TNS1: variants seen among roughly 807,000 people sequenced by gnomAD.
The protein encoded by TNS1 is tensin-1.
TNS1 carries 62 observed loss-of-function variants against 168.6 expected under a neutral mutation model. The ratio of observed to expected loss-of-function variants is 0.37; its 90% CI spans 0.30 to 0.45. The LOEUF is 0.45. Among genes scored for constraint, TNS1 ranks in the 20% least tolerant of loss-of-function variants. The probability of loss-of-function intolerance (pLI) is 1.00; values close to 1 mark genes in which losing one functional copy is unlikely to be tolerated. For synonymous variants in TNS1, 934 were observed against 933.2 expected (o/e 1.00, Z -0.02); for missense variants, 2,240 against 2,339.4 (o/e 0.96, Z 0.88).
At chr2:217,845,107 T>A (rs1271714884) in intron 19 of TNS1, among the ~76,000 whole-genome samples, 4 of 152,208 alleles carry the variant, frequency 2.6e-5, no homozygotes, top group Non-Finnish European at 4.4e-5. Flanking sequence ...TAAGCTGGAA[T>A]AAGGCACAAG....
At chr2:217,902,619 A>C (rs530925847) in intron 6 of TNS1, among the ~76,000 whole-genome samples, 2 of 152,180 alleles carry the variant, frequency 1.3e-5, no homozygotes, top group East Asian at 3.9e-4. Flanking sequence ...TCCCCACCCC[A>C]AAAAAAGCCA....
chr2:217,953,884 A>G (rs1293108390), intron 3 of TNS1, among the ~76,000 whole-genome samples: 1 of 152,224 alleles, frequency 6.6e-6, no homozygotes, highest in Non-Finnish European at 1.5e-5. Context: ...GCTGAGTGAG[A>G]CACCAGGTGG....
Position 217,813,708 on chromosome 2 carries a change from G to A in TNS1, c.4838C>T (p.Thr1613Ile), listed in dbSNP as rs1329480251. The part of the protein sequence containing the change: ...LAMKVSSPPP[T>I]IMQQNKKGDM... ...ACCTTTTTTATTCTGCTGCATGATG[G>A]TTGGAGGTGGCGAAGACACCTTCAT... Residue 1613 changes from threonine to isoleucine, a missense_variant, in exon 26 of 33, where the codon ACC (threonine) becomes ATC (isoleucine). Thr to Ile is a moderately conservative substitution (Grantham distance 89). Around this residue, in one of 2 missense-constraint regions of TNS1, gnomAD observed 2,131 missense variants for 2,171.2 expected, o/e 0.98. Coordinates refer to ENST00000682258, the MANE Select transcript of TNS1 (RefSeq NM_001387777.1). The surrounding 1 kb of genome is among the most constrained non-coding windows in gnomAD (Gnocchi z 4.0). The A allele has an allele frequency of 1.4e-5, 23 of 1,612,926 alleles. No homozygotes were observed. The highest frequency in any genetic ancestry group is 2.0e-5 in the Non-Finnish European group (23 of 1,179,482).
At chr2:217,978,689 G>A in intron 3 of TNS1, 76 bp downstream of exon 3, 2 of 672,788 alleles carry the variant, frequency 3.0e-6, no homozygotes, top group Non-Finnish European at 5.4e-6. Flanking sequence ...CCCCGCCGGC[G>A]CCCCCGCTCC....
intron 19 of TNS1, among the ~76,000 whole-genome samples, chr2:217,838,083 T>C (rs1418224909): frequency 6.6e-6 from 1 of 152,216 alleles, no homozygotes. Context: ...GCTCTTGGGG[T>C]TTGGAACTCA....
intron 4 of TNS1, among the ~76,000 whole-genome samples, chr2:217,915,056 T>C (rs982398547): frequency 4.6e-5 from 7 of 152,170 alleles, no homozygotes; most frequent in Non-Finnish European, 7.3e-5. Context: ...TGCTCAGAGT[T>C]TGCCCCTCCC....
chr2:218,004,411 C>T (rs1958634515), upstream of TNS1, among the ~76,000 whole-genome samples: 1 of 152,184 alleles, frequency 6.6e-6, no homozygotes, highest in Admixed American at 6.5e-5. Context: ...CGCTGTCTGT[C>T]AGCACCACAT....
At chr2:217,956,974 G>A (rs115358132) in intron 3 of TNS1, among the ~76,000 whole-genome samples, 83 of 152,356 alleles carry the variant, frequency 5.4e-4, no homozygotes, top group African/African-American at 1.9e-3. Context: ...AAGGAGACGG[G>A]ATCAGGGAGC....
Position 217,848,990 on chromosome 2 carries a change from G to A in TNS1, c.1527C>T (p.Ala509=), listed in dbSNP as rs1166657902. 1 of 1,614,084 alleles carries A rather than the reference G, an allele frequency of 6.2e-7. No homozygotes were observed. Residue 509 remains alanine, a synonymous_variant, in exon 19 of 33, where the codon GCC becomes GCT. Transcript: ENST00000682258. Reference sequence around the variant, plus strand: ...GGGTGGCCGACAGTGTAGGACGTGTGGCATTAACAGCCCCGGTGCTGCCGT... The same window carrying A: ...GGGTGGCCGACAGTGTAGGACGTGTAGCATTAACAGCCCCGGTGCTGCCGT... The part of the protein sequence containing the change: ...SLHGSTGAVN[A]TRPTLSATPN...
At chr2:217,977,456 T>C (rs1957923680) in intron 3 of TNS1, among the ~76,000 whole-genome samples, 1 of 152,208 alleles carries the variant, frequency 6.6e-6, no homozygotes, top group Non-Finnish European at 1.5e-5. Flanking sequence ...TGTGCTCGGC[T>C]TTAGTAAAGT....
intron 3 of TNS1, among the ~76,000 whole-genome samples, chr2:217,960,955 G>A (rs1957480934): frequency 6.6e-6 from 1 of 152,082 alleles, no homozygotes; most frequent in African/African-American, 2.4e-5. Context: ...AAAACAACTG[G>A]CACCCAGGGA....
intron 18 of TNS1, among the ~76,000 whole-genome samples, chr2:217,872,177 G>T (rs766930327): frequency 4.6e-5 from 7 of 152,208 alleles, no homozygotes; most frequent in Non-Finnish European, 8.8e-5. Flanking sequence ...AAAGAGGCCT[G>T]AGGACAAGGA....
chr2:217,920,289 G>A, intron 3 of TNS1, 53 bp from the exon 4 acceptor site: 1 of 702,836 alleles, frequency 1.4e-6, no homozygotes, highest in South Asian at 1.5e-5. Context: ...TCTAGAGACA[G>A]CCAGCACCTC....
intron 19 of TNS1, among the ~76,000 whole-genome samples, chr2:217,846,651 T>C (rs907971670): frequency 2.0e-5 from 3 of 152,196 alleles, no homozygotes; most frequent in African/African-American, 7.2e-5. Context: ...GCCACCCTTG[T>C]GGAATGGGCA....
At chr2:218,020,727 C>T (rs1373737003) in intron 1 of TNS1, among the ~76,000 whole-genome samples, 2 of 152,160 alleles carry the variant, frequency 1.3e-5, no homozygotes, top group South Asian at 2.1e-4. Context: ...GCTACCTGAC[C>T]GTGACCTGCC....
intron 1 of TNS1, among the ~76,000 whole-genome samples, chr2:218,017,906 C>T (rs1238028300): frequency 6.6e-6 from 1 of 152,232 alleles, no homozygotes; most frequent in Admixed American, 6.5e-5. Context: ...TCAGCCAGAG[C>T]ACACTGTCTG....
At chr2:217,927,863 C>T (rs1419204303) in intron 3 of TNS1, among the ~76,000 whole-genome samples, 2 of 152,200 alleles carry the variant, frequency 1.3e-5, no homozygotes, top group East Asian at 1.9e-4. Flanking sequence ...GCTTCTGAGC[C>T]CTGTTCTCTG....
chr2:217,829,763 T>A lies in TNS1; in HGVS notation c.3373+1692A>T. 10 of 1,543,572 alleles carry A rather than the reference T, an allele frequency of 6.5e-6. 1 individual carries two copies. The South Asian group carries it at 1.1e-4, about 18-fold the overall frequency. Reference sequence around the variant, plus strand: ...GTCCCAGTGAGGAAAGAGAGCTGCCTCCAGCCAGCCTCTTCAAGCCCTGCT... The same window carrying A: ...GTCCCAGTGAGGAAAGAGAGCTGCCACCAGCCAGCCTCTTCAAGCCCTGCT... On this transcript the variant is annotated intron_variant, in intron 22 of 32. Coordinates refer to ENST00000682258, the MANE Select transcript of TNS1 (RefSeq NM_001387777.1).
At chr2:217,943,434 T>C (rs1278919358) in intron 3 of TNS1, among the ~76,000 whole-genome samples, 1 of 152,094 alleles carries the variant, frequency 6.6e-6, no homozygotes, top group African/African-American at 2.4e-5. Flanking sequence ...CCCCCTGCAA[T>C]GGGCAGGCAA....
Sources: gnomAD v4.1 joint callset for allele counts (sites outside exome capture counted in the v4.1 genomes callset) on GRCh38, gnomAD v4.1.1 for gene constraint, gnomAD v4.1.1 regional missense constraint, Gnocchi (gnomAD v3.1) non-coding constraint, MANE v1.5 for transcripts, NCBI Gene and HGNC (gene_info 2026-07-23, HGNC 2026-07-21) for gene names.